SLC4A4: variants seen among roughly 807,000 people sequenced by gnomAD.
SLC4A4 encodes the protein electrogenic sodium bicarbonate cotransporter 1.
A neutral mutation model predicts 111.5 loss-of-function variants in SLC4A4; 27 were observed. That is an observed-to-expected ratio of 0.24 (90% CI 0.18 to 0.33). The LOEUF (loss-of-function observed/expected upper bound fraction) is 0.33, where lower values mean the gene tolerates loss of function less well. Ranked by LOEUF, SLC4A4 falls within the 10% of genes least tolerant of loss-of-function variation. The probability of loss-of-function intolerance (pLI) is 1.00; values close to 1 mark genes in which losing one functional copy is unlikely to be tolerated. For missense variants in SLC4A4, 909 were observed against 1,315.5 expected (o/e 0.69, Z 4.78); for synonymous variants, 443 against 463.4 (o/e 0.96, Z 0.57).
rs202188375 is a variant in SLC4A4, at chr4:71,497,527, A to G, written c.2001A>G (p.Ala667=). The change falls in exon 16 of 26, where the codon GCA becomes GCG. Residue 667 remains alanine (A), a synonymous_variant. Coordinates refer to ENST00000264485, the MANE Select transcript of SLC4A4 (RefSeq NM_001098484.3). ...ACCATAATACTACCTTTGACTGGGCATTTTTGTCGAAGAAGGAGTGTTCAA... is the reference window on the plus strand; with the variant it reads ...ACCATAATACTACCTTTGACTGGGCGTTTTTGTCGAAGAAGGAGTGTTCAA... ...DMYHNTTFDW[A]FLSKKECSKY... The G allele has an allele frequency of 6.2e-7, 1 of 1,613,448 alleles. No individual in the cohort carries two copies.
At chr4:71,275,064 A>G (rs1191108670) in intron 3 of SLC4A4, among the ~76,000 whole-genome samples, 2 of 151,978 alleles carry the variant, frequency 1.3e-5, no homozygotes, top group East Asian at 1.9e-4. Context: ...CAGCTCATTC[A>G]TAGGCCTAGG....
chr4:71,323,008 A>C (rs918888039), intron 3 of SLC4A4, among the ~76,000 whole-genome samples: 1 of 151,976 alleles, frequency 6.6e-6, no homozygotes, highest in African/African-American at 2.4e-5. Context: ...GTCCCTAAAC[A>C]GCAGTAAAGG....
intron 16 of SLC4A4, among the ~76,000 whole-genome samples, chr4:71,510,738 T>G (rs1269580773): frequency 6.6e-6 from 1 of 152,206 alleles, no homozygotes; most frequent in African/African-American, 2.4e-5. Flanking sequence ...GGTACAGACT[T>G]TCCACTACCA....
At chr4:71,188,124 A>G (rs1745574155) in intron 1 of SLC4A4, among the ~76,000 whole-genome samples, 4 of 152,162 alleles carry the variant, frequency 2.6e-5, no homozygotes, top group Non-Finnish European at 5.9e-5. Context: ...CATTTTACTC[A>G]GCCGTTGCCA....
At chr4:71,327,398 T>C (rs1192672294) in intron 3 of SLC4A4, among the ~76,000 whole-genome samples, 1 of 152,010 alleles carries the variant, frequency 6.6e-6, no homozygotes, top group Non-Finnish European at 1.5e-5. Context: ...AGCTAACAAA[T>C]GGGCTTAGAA....
At chr4:71,393,894 CA>C (rs1719544092) in intron 6 of SLC4A4, among the ~76,000 whole-genome samples, 1 of 152,102 alleles carries the variant, frequency 6.6e-6, no homozygotes. Context: ...ACAAAGCAAA[CA>C]AAAACATAAA....
chr4:71,128,153 C>A (rs1263537356), intron 2 of SLC4A4, among the ~76,000 whole-genome samples: 1 of 152,192 alleles, frequency 6.6e-6, no homozygotes, highest in Non-Finnish European at 1.5e-5. Flanking sequence ...GAGGTTTAAT[C>A]CACTCACAGT....
chr4:71,087,141 T>A (rs1742202108), intron 1 of SLC4A4, among the ~76,000 whole-genome samples: 1 of 152,084 alleles, frequency 6.6e-6, no homozygotes, highest in East Asian at 1.9e-4. Flanking sequence ...TGGGAGGGTG[T>A]ATGTATCGAG....
At chr4:71,464,368 C>G (rs190784051) in intron 12 of SLC4A4, among the ~76,000 whole-genome samples, 1 of 152,244 alleles carries the variant, frequency 6.6e-6, no homozygotes, top group Admixed American at 6.5e-5. Flanking sequence ...CTAGGATAAC[C>G]TTTTTCTGTC....
intron 3 of SLC4A4, among the ~76,000 whole-genome samples, chr4:71,288,525 A>G (rs189549057): frequency 7.9e-5 from 12 of 151,870 alleles, no homozygotes; most frequent in Non-Finnish European, 7.4e-5. Context: ...CAGCCTCCCT[A>G]GTAGCTGGGA....
At chr4:71,469,189 G>A (rs1727646814) in intron 13 of SLC4A4, among the ~76,000 whole-genome samples, 1 of 151,658 alleles carries the variant, frequency 6.6e-6, no homozygotes, top group South Asian at 2.1e-4. Flanking sequence ...TTTTTACTTG[G>A]GTGAGGAATC....
chr4:71,353,200 C>G (rs1046559616), intron 5 of SLC4A4, among the ~76,000 whole-genome samples: 1 of 152,164 alleles, frequency 6.6e-6, no homozygotes, highest in African/African-American at 2.4e-5. Flanking sequence ...TGAACTTTTT[C>G]TCTAACCTCC....
intron 7 of SLC4A4, among the ~76,000 whole-genome samples, chr4:71,432,034 CTT>C (rs1723686483): frequency 6.6e-6 from 1 of 152,052 alleles, no homozygotes; most frequent in African/African-American, 2.4e-5. Context: ...GGAAAAGACA[CTT>C]TGGCAAAAAT....
At chr4:71,142,759 C>T (rs1000904237) in intron 2 of SLC4A4, among the ~76,000 whole-genome samples, 56 of 116,398 alleles carry the variant, frequency 4.8e-4, no homozygotes, top group African/African-American at 1.6e-3. Flanking sequence ...ACTTTTCTCA[C>T]TCTTTTTTTT....
chr4:71,213,668 G>A (rs180809064), intron 1 of SLC4A4, among the ~76,000 whole-genome samples: 1 of 152,292 alleles, frequency 6.6e-6, no homozygotes, highest in Admixed American at 6.5e-5. Flanking sequence ...ATAAGTTGAA[G>A]CCCTAATTTC....
intron 2 of SLC4A4, among the ~76,000 whole-genome samples, chr4:71,120,286 G>A (rs550612678): frequency 4.6e-5 from 7 of 152,134 alleles, no homozygotes; most frequent in Non-Finnish European, 8.8e-5. Flanking sequence ...CTGGGATTAC[G>A]GCTTAACCAT....
chr4:71,480,900 G>T (rs965331730), intron 14 of SLC4A4, among the ~76,000 whole-genome samples: 1 of 151,622 alleles, frequency 6.6e-6, no homozygotes, highest in Non-Finnish European at 1.5e-5. Context: ...TGATAACATT[G>T]TATATTTAAC....
At chr4:71,446,693 T>C (rs1323555121) in intron 8 of SLC4A4, among the ~76,000 whole-genome samples, 2 of 152,226 alleles carry the variant, frequency 1.3e-5, no homozygotes, top group Non-Finnish European at 2.9e-5. Context: ...TTGGAGGCCT[T>C]ATAAGCTGGG....
At chr4:71,191,536 C>T (rs186351247) in intron 1 of SLC4A4, among the ~76,000 whole-genome samples, 14 of 152,282 alleles carry the variant, frequency 9.2e-5, no homozygotes, top group Admixed American at 5.2e-4. Context: ...GGGTGAATGT[C>T]CTTTTAGTCA....
Sources: gnomAD v4.1 joint callset for allele counts (sites outside exome capture counted in the v4.1 genomes callset) on GRCh38, gnomAD v4.1.1 for gene constraint, MANE v1.5 for transcripts, NCBI Gene and HGNC (gene_info 2026-07-23, HGNC 2026-07-21) for gene names.